Variants in PDK1 observed in about 807,000 individuals in gnomAD.
PDK1 encodes the protein pyruvate dehydrogenase kinase 1.
In PDK1, 39 loss-of-function variants were observed where a neutral mutation model predicts 54.2. The observed-to-expected ratio is 0.72, with a 90% CI of 0.56 to 0.94. The LOEUF is 0.94. Ranked by LOEUF, PDK1 falls within the 40% of genes least tolerant of loss-of-function variation. The probability of loss-of-function intolerance (pLI) is 0.00; values close to 1 mark genes in which losing one functional copy is unlikely to be tolerated. For synonymous variants in PDK1, 221 were observed against 207.1 expected, an observed-to-expected ratio of 1.07 and a Z score of -0.58; for missense variants, 552 against 566.0, an observed-to-expected ratio of 0.98 and a Z score of 0.25.
At chr2:172,709,787 C>G in the PDK1 span, among the ~76,000 whole-genome samples, 1 of 152,164 alleles carries the variant, frequency 6.6e-6, no homozygotes, top group African/African-American at 2.4e-5. Context: ...CTGATCACAT[C>G]ACTTCTTCCA....
At chr2:172,626,261 G>A in the PDK1 span, among the ~76,000 whole-genome samples, 1 of 152,130 alleles carries the variant, frequency 6.6e-6, no homozygotes, top group Admixed American at 6.5e-5. Flanking sequence ...AGTCAGATAT[G>A]TGCTACTTTT....
downstream of PDK1, among the ~76,000 whole-genome samples, chr2:172,609,269 G>A (rs989526573): frequency 2.0e-5 from 3 of 152,118 alleles, no homozygotes; most frequent in Non-Finnish European, 4.4e-5. Flanking sequence ...GAGATTGTCT[G>A]GTTTGTCTTA....
chr2:172,594,293 G>A (rs1215846331), intron 10 of PDK1, among the ~76,000 whole-genome samples: 1 of 152,110 alleles, frequency 6.6e-6, no homozygotes, highest in African/African-American at 2.4e-5. Context: ...CCAAAGTGCT[G>A]GGATTACAGG....
intron 5 of PDK1, among the ~76,000 whole-genome samples, chr2:172,566,416 G>C (rs1018257449): frequency 2.6e-5 from 4 of 152,120 alleles, no homozygotes; most frequent in African/African-American, 9.7e-5. Context: ...TTAGCTGGGC[G>C]TGGTGACCCA....
intron 8 of PDK1, among the ~76,000 whole-genome samples, chr2:172,571,342 A>G (rs534464991): frequency 5.1e-4 from 78 of 152,238 alleles, no homozygotes; most frequent in African/African-American, 1.9e-3. Flanking sequence ...GGCCTTTTCT[A>G]TTACATTGTT....
chr2:172,611,473 A>T (rs1211423788), downstream of PDK1, among the ~76,000 whole-genome samples: 1 of 152,186 alleles, frequency 6.6e-6, no homozygotes, highest in South Asian at 2.1e-4. Context: ...CCAGTTTCAT[A>T]CATTAAGTAT....
the PDK1 span, among the ~76,000 whole-genome samples, chr2:172,637,805 C>T: frequency 1.3e-5 from 2 of 152,142 alleles, no homozygotes; most frequent in Admixed American, 6.5e-5. Context: ...AAGCAATTCT[C>T]GTGCCTCAGC....
At chr2:172,689,034 C>T in the PDK1 span, among the ~76,000 whole-genome samples, 1 of 152,226 alleles carries the variant, frequency 6.6e-6, no homozygotes, top group African/African-American at 2.4e-5. Flanking sequence ...GCTTCCACAG[C>T]ATGGAAAGGG....
chr2:172,700,628 G>A, the PDK1 span, among the ~76,000 whole-genome samples: 1 of 152,090 alleles, frequency 6.6e-6, no homozygotes, highest in African/African-American at 2.4e-5. Context: ...CTACAATCTC[G>A]GCACTTTGGG....
downstream of PDK1, among the ~76,000 whole-genome samples, chr2:172,612,257 G>A (rs995789568): frequency 1.3e-5 from 2 of 152,144 alleles, no homozygotes; most frequent in African/African-American, 2.4e-5. Flanking sequence ...CAGATCCAAC[G>A]CTAATGCACT....
rs1466196567 is a variant in PDK1 at position 172,599,688 on chromosome 2, T to TA, written c.*3720dup. 3 of 152,230 alleles carry TA rather than the reference T, an allele frequency of 2.0e-5. No homozygotes were observed. Among genetic ancestry groups the TA allele is most frequent in the Non-Finnish European group, 4.4e-5 (3 of 68,030 alleles). 9.4% of individuals were successfully genotyped at this position (152,230 alleles called of 1,614,324 possible). ...TAGTTCTGGCATTCATAAACTACTGTACCTTCTGTTCTATTGACATGTTTG... is the reference window on the plus strand; with the variant it reads ...TAGTTCTGGCATTCATAAACTACTGTAACCTTCTGTTCTATTGACATGTTTG... On this transcript the variant is annotated 3_prime_UTR_variant, in exon 11 of 11. Transcript: ENST00000282077.
chr2:172,665,230 A>G, the PDK1 span, among the ~76,000 whole-genome samples: 9 of 151,850 alleles, frequency 5.9e-5, no homozygotes, highest in South Asian at 6.2e-4. Flanking sequence ...CCCCCTTTAA[A>G]TTGCCCAGAC....
chr2:172,596,185 C>T lies in PDK1; in HGVS notation c.*216C>T, dbSNP rs574133071. The T allele has an allele frequency of 2.7e-6, 1 of 376,832 alleles. No individual in the cohort carries two copies. Among genetic ancestry groups the T allele is most frequent in the African/African-American group, 2.0e-5 (1 of 49,280 alleles). 23.3% of individuals were successfully genotyped at this position (376,832 alleles called of 1,614,324 possible). On this transcript the variant is annotated 3_prime_UTR_variant, in exon 11 of 11. Coordinates refer to ENST00000282077, the MANE Select transcript of PDK1 (RefSeq NM_002610.5). ...ACTTATATTTTCACAGTTAATTGAA[C>T]ATATTTTTAAACAACTGTAGTTTTG...
chr2:172,565,255 A>G (rs1688872013), intron 5 of PDK1, among the ~76,000 whole-genome samples, 182 bp downstream of exon 5: 1 of 152,186 alleles, frequency 6.6e-6, no homozygotes. Context: ...TATTGATAGA[A>G]TTATTTGTTA....
In PDK1 at chr2:172,600,781, C is replaced by G. The variant is rs1307047107; in HGVS notation, c.*4812C>G. The G allele has an allele frequency of 1.3e-5, 2 of 152,204 alleles. No homozygotes were observed. The highest frequency in any genetic ancestry group is 4.8e-5 in the African/African-American group (2 of 41,436). 9.4% of individuals were successfully genotyped at this position (152,204 alleles called of 1,614,324 possible). ...GGTGTGCTATCTGTACAGAGCATAG[C>G]TTTTTATCAGCTCTTATCCCATTCC... On this transcript the variant is annotated 3_prime_UTR_variant, in exon 11 of 11. Coordinates refer to ENST00000282077, the MANE Select transcript of PDK1 (RefSeq NM_002610.5).
At chr2:172,631,469 T>A in the PDK1 span, among the ~76,000 whole-genome samples, 1 of 152,236 alleles carries the variant, frequency 6.6e-6, no homozygotes, top group African/African-American at 2.4e-5. Context: ...CCTCCCAGTT[T>A]TGTTTGGGAC....
At chr2:172,562,781 T>C in intron 3 of PDK1, 3 of 1,611,066 alleles carry the variant, frequency 1.9e-6, no homozygotes, top group Non-Finnish European at 2.5e-6. Flanking sequence ...TAGTTTATGC[T>C]GTATGGCCTG....
chr2:172,635,400 C>T, the PDK1 span, among the ~76,000 whole-genome samples: 7 of 152,148 alleles, frequency 4.6e-5, no homozygotes, highest in Non-Finnish European at 1.0e-4. Flanking sequence ...AGTGTAACCT[C>T]CCCCTCCCGG....
chr2:172,565,185 G>A lies in PDK1; in HGVS notation c.691+112G>A. The A allele has an allele frequency of 7.5e-6, 5 of 666,058 alleles. No homozygotes were observed. The South Asian group carries it at 9.0e-5, about 12-fold the overall frequency. The allele number at this position is 666,058 out of a possible 1,614,324, so 41.3% of individuals were successfully genotyped here. ...ATGAGATAAAATGGTAGGCACAAAT[G>A]CATGGGTTTGAAAATAACCTTATAG... On this transcript the variant is annotated intron_variant, in intron 5 of 10. Coordinates refer to ENST00000282077, the MANE Select transcript of PDK1 (RefSeq NM_002610.5).
Sources: allele counts gnomAD v4.1 joint callset (sites outside exome capture counted in the v4.1 genomes callset), GRCh38; gene constraint gnomAD v4.1.1; transcripts MANE v1.5; gene names NCBI Gene and HGNC (gene_info 2026-07-23, HGNC 2026-07-21).